CUBN: variants seen among roughly 807,000 people sequenced by gnomAD.
CUBN encodes the protein cubilin, also known as 460 kDa receptor.
In CUBN, 282 loss-of-function variants were observed where a neutral mutation model predicts 405.3. That is an observed-to-expected ratio of 0.70 (90% CI 0.63 to 0.77). The LOEUF is 0.77. Among genes scored for constraint, CUBN ranks in the 30% least tolerant of loss-of-function variants. The pLI, the probability that CUBN is intolerant of heterozygous loss-of-function variation, is 0.00. For missense variants in CUBN, 4,514 were observed against 4,475.2 expected (o/e 1.01, Z -0.25); for synonymous variants, 1,684 against 1,617.0 (o/e 1.04, Z -0.99).
chr10:17,059,669 G>A (rs1427286866), intron 22 of CUBN, among the ~76,000 whole-genome samples: 1 of 152,190 alleles, frequency 6.6e-6, no homozygotes, highest in Non-Finnish European at 1.5e-5. Flanking sequence ...CCCAAGGGAA[G>A]ATATAATTAC....
intron 60 of CUBN, among the ~76,000 whole-genome samples, chr10:16,846,826 G>GGAAAAGA (rs1554781418): frequency 3.5e-5 from 5 of 141,962 alleles, no homozygotes; most frequent in Non-Finnish European, 7.6e-5. Flanking sequence ...AAAAAAAAAA[G>GGAAAAGA]AAAAGAAAAA....
At chr10:16,929,221 GC>G (rs1026645201) in intron 40 of CUBN, among the ~76,000 whole-genome samples, 1 of 152,046 alleles carries the variant, frequency 6.6e-6, no homozygotes, top group African/African-American at 2.4e-5. Flanking sequence ...CAGCAACTGT[GC>G]CCCACCCCCA....
chr10:17,001,436 T>C (rs1398271552), intron 28 of CUBN, among the ~76,000 whole-genome samples: 2 of 152,178 alleles, frequency 1.3e-5, no homozygotes, highest in Non-Finnish European at 2.9e-5. Context: ...AGGGTGCTGA[T>C]TGGTCTGTTT....
At chr10:17,103,743 A>G (rs1207744157) in intron 12 of CUBN, among the ~76,000 whole-genome samples, 3 of 152,262 alleles carry the variant, frequency 2.0e-5, no homozygotes, top group Non-Finnish European at 4.4e-5. Flanking sequence ...CAGAAGAGTC[A>G]AAAGTGACTT....
At position 16,889,938 on chromosome 10, in the gene CUBN, A is replaced by AAAAAAAAAAAAAAAAACAAAAAAC. The variant is rs1554788545; in HGVS notation, c.8755+432_8755+433insGTTTTTTGTTTTTTTTTTTTTTTT. Reference sequence around the variant, plus strand: ...GCGACAGAGTGAGACGCCGTGTCAAAAAAAAAAAAAAAAAACAGGAAAGAC... The same window carrying AAAAAAAAAAAAAAAAACAAAAAAC: ...GCGACAGAGTGAGACGCCGTGTCAAAAAAAAAAAAAAAAAAACAAAAAACAAAAAAAAAAAAAAACAGGAAAGAC... On this transcript the variant is annotated intron_variant, in intron 55 of 66. Coordinates refer to ENST00000377833, the MANE Select transcript of CUBN (RefSeq NM_001081.4). 5.0e-4 allele frequency among the ~76,000 whole-genome samples: 65 copies of AAAAAAAAAAAAAAAAACAAAAAAC among 129,518 alleles called. 4 individuals are homozygous for AAAAAAAAAAAAAAAAACAAAAAAC. Among genetic ancestry groups the AAAAAAAAAAAAAAAAACAAAAAAC allele is most frequent in the African/African-American group, 1.8e-3 (60 of 32,584 alleles). 85.0% of individuals were successfully genotyped at this position (129,518 alleles called of 152,430 possible). A position where few individuals can be genotyped will look rare whatever the true frequency, so the allele number is the denominator to read the frequency against.
intron 22 of CUBN, among the ~76,000 whole-genome samples, chr10:17,060,779 G>A (rs1030549131): frequency 2.0e-5 from 3 of 152,134 alleles, no homozygotes; most frequent in Non-Finnish European, 4.4e-5. Context: ...GGCTGGGTGC[G>A]GTGGCTCATG....
At chr10:17,097,675 C>A (rs10904875) in intron 14 of CUBN, among the ~76,000 whole-genome samples, 90,478 of 151,920 alleles carry the variant, frequency 0.6, 28,782 homozygotes, top group Non-Finnish European at 0.72. Context: ...TTGCCATGAA[C>A]AAATGGAAAA....
intron 16 of CUBN, among the ~76,000 whole-genome samples, chr10:17,085,063 C>A (rs1836075019): frequency 6.7e-6 from 1 of 150,104 alleles, no homozygotes; most frequent in Non-Finnish European, 1.5e-5. Context: ...AAATCCTCCA[C>A]TTCCCTAAAA....
At chr10:16,945,231 T>C (rs1842743616) in intron 36 of CUBN, among the ~76,000 whole-genome samples, 1 of 152,116 alleles carries the variant, frequency 6.6e-6, no homozygotes, top group East Asian at 1.9e-4. Context: ...ATTTGGCAAT[T>C]CTGATAGGCC....
rs371144749 is a variant in CUBN at position 16,874,396 on chromosome 10, C to G, written c.9214G>C (p.Asp3072His). The stretch of plus-strand genomic sequence containing the variant: ...TACTTGAGCTCGATCACCTTGTCGT[C>G]ACTAACGGTGATGGTATACAGACAG... ...MHCLYTITVS[D>H]DKVIELKFSD... Residue 3072 changes from aspartate (D) to histidine (H), a missense_variant, in exon 58 of 67, where the codon GAC (aspartate) becomes CAC (histidine). Physicochemically the swap from Asp to His is moderately conservative, Grantham distance 81. Coordinates refer to ENST00000377833, the MANE Select transcript of CUBN (RefSeq NM_001081.4). The G allele has an allele frequency of 3.1e-6, 5 of 1,614,146 alleles. No individual in the cohort carries two copies. Among genetic ancestry groups the G allele is most frequent in the Non-Finnish European group, 4.2e-6 (5 of 1,179,986 alleles).
At chr10:17,102,580 C>A (rs749265407) in intron 13 of CUBN, among the ~76,000 whole-genome samples, 1 of 147,214 alleles carries the variant, frequency 6.8e-6, no homozygotes, top group South Asian at 2.2e-4. Flanking sequence ...AGCCACCAGG[C>A]CTGGCCTTGT....
At chr10:17,007,515 T>C (rs929835167) in intron 28 of CUBN, among the ~76,000 whole-genome samples, 13 of 152,292 alleles carry the variant, frequency 8.5e-5, no homozygotes, top group African/African-American at 3.1e-4. Flanking sequence ...ATGAAGTGTG[T>C]AGGAACTCTT....
intron 59 of CUBN, among the ~76,000 whole-genome samples, chr10:16,853,214 G>A (rs916282349): frequency 2.0e-5 from 3 of 152,194 alleles, no homozygotes; most frequent in Non-Finnish European, 2.9e-5. Flanking sequence ...GAAAGAAATG[G>A]TGAAATAAGC....
intron 66 of CUBN, among the ~76,000 whole-genome samples, chr10:16,825,758 G>C (rs1216855239): frequency 6.6e-6 from 1 of 151,342 alleles, no homozygotes; most frequent in African/African-American, 2.4e-5. Flanking sequence ...CCACGCTGCA[G>C]GTATTAAGAC....
At chr10:17,025,788 C>G (rs1834646217) in intron 27 of CUBN, among the ~76,000 whole-genome samples, 2 of 152,084 alleles carry the variant, frequency 1.3e-5, no homozygotes, top group South Asian at 4.1e-4. Flanking sequence ...GTTGCTATGA[C>G]AACTTGGGCA....
intron 40 of CUBN, among the ~76,000 whole-genome samples, chr10:16,930,859 T>C (rs1359653168): frequency 6.6e-6 from 1 of 152,232 alleles, no homozygotes; most frequent in East Asian, 1.9e-4. Flanking sequence ...TCTTTGTCTG[T>C]GGCCAGTTGG....
At chr10:17,123,278 G>C (rs186085858) in intron 5 of CUBN, 1 of 468,554 alleles carries the variant, frequency 2.1e-6, no homozygotes, top group Non-Finnish European at 3.8e-6. Context: ...AATTTGCATA[G>C]GTATGTCAAG....
intron 24 of CUBN, 97 bp downstream of exon 24, chr10:17,045,837 C>G: frequency 8.0e-7 from 1 of 1,252,504 alleles, no homozygotes; most frequent in South Asian, 1.2e-5. Flanking sequence ...TACAGCTGGG[C>G]AAACATGGAC....
intron 10 of CUBN, among the ~76,000 whole-genome samples, chr10:17,106,914 T>C (rs1215368531): frequency 6.6e-6 from 1 of 152,162 alleles, no homozygotes; most frequent in Non-Finnish European, 1.5e-5. Flanking sequence ...AAACCACAGA[T>C]TGAAGATAAT....
Sources: gnomAD v4.1 joint callset for allele counts (sites outside exome capture counted in the v4.1 genomes callset) on GRCh38, gnomAD v4.1.1 for gene constraint, MANE v1.5 for transcripts, NCBI Gene and HGNC (gene_info 2026-07-23, HGNC 2026-07-21) for gene names.